ZNF821: variants seen among roughly 807,000 people sequenced by gnomAD.
The protein encoded by ZNF821 is zinc finger protein 821.
ZNF821 carries 16 observed loss-of-function variants against 44.3 expected under a neutral mutation model. The ratio of observed to expected loss-of-function variants is 0.36; its 90% CI spans 0.24 to 0.55. The LOEUF is 0.55. Ranked by LOEUF, ZNF821 falls within the 20% of genes least tolerant of loss-of-function variation. ZNF821 has a pLI of 0.86. For synonymous variants in ZNF821, 204 were observed against 197.6 expected, an observed-to-expected ratio of 1.03 and a Z score of -0.27; for missense variants, 436 against 547.6, an observed-to-expected ratio of 0.80 and a Z score of 2.03.
chr16:71,886,185 C>A (rs2036848205), upstream of ZNF821, among the ~76,000 whole-genome samples: 1 of 152,136 alleles, frequency 6.6e-6, no homozygotes, highest in South Asian at 2.1e-4. Flanking sequence ...CTAAAAATTT[C>A]TCAGAGGTGT....
At position 71,880,108 on chromosome 16, in the gene ZNF821, A is replaced by G. The variant is rs1187256479; in HGVS notation, c.-77-85T>C. 8.6e-6 allele frequency: 5 copies of G among 584,290 alleles called. No homozygotes were observed. The Admixed American group carries it at 1.3e-4, about 16-fold the overall frequency. 36.2% of individuals were successfully genotyped at this position (584,290 alleles called of 1,614,324 possible). A position where few individuals can be genotyped will look rare whatever the true frequency, so the allele number is the denominator to read the frequency against. ...TAAAGATAAAATGTCCTTAAAAAAC[A>G]GCTCCTGAGCATATAAAACTCACCA... On this transcript the variant is annotated intron_variant, in intron 2 of 7. Transcript: ENST00000425432.
At chr16:71,890,618 C>G (rs745971800) in intron 1 of ZNF821, 2 of 151,996 alleles carry the variant, frequency 1.3e-5, no homozygotes, top group Non-Finnish European at 2.9e-5. Flanking sequence ...AACTCCTGAC[C>G]TCAAGTGATC....
At chr16:71,886,365 G>T (rs1017762494), upstream of ZNF821, among the ~76,000 whole-genome samples, 3 of 152,130 alleles carry the variant, frequency 2.0e-5, no homozygotes, top group Admixed American at 2.0e-4. Flanking sequence ...TGAAACCCTT[G>T]TCTCTTTAAA....
Position 71,867,934 on chromosome 16 carries a change from T to C in ZNF821, c.144A>G (p.Leu48=), listed in dbSNP as rs1567415161. The C allele has an allele frequency of 6.5e-7, 1 of 1,536,024 alleles. No homozygotes were observed. Among genetic ancestry groups the C allele is most frequent in the Non-Finnish European group, 8.7e-7 (1 of 1,146,858 alleles). ...LGSQRQAIQQ[L]RDQDSSSSDS... ...CACTGCTACTGGAGTCCTGATCTCT[T>C]AGTTGTTGGATAGCTTGTCGCTGAC... Residue 48 remains leucine, a synonymous_variant, in exon 4 of 8, where the codon CTA becomes CTG. Transcript: ENST00000425432.
At chr16:71,891,979 G>A (rs1275763800) in intron 1 of ZNF821, among the ~76,000 whole-genome samples, 1 of 120,542 alleles carries the variant, frequency 8.3e-6, no homozygotes, top group Non-Finnish European at 1.6e-5. Context: ...CTGGGCGACA[G>A]AGAGAGACTC....
At chr16:71,880,181 T>C (rs2036280397) in intron 2 of ZNF821, 158 bp from the exon 3 acceptor site, 1 of 422,904 alleles carries the variant, frequency 2.4e-6, no homozygotes, top group Non-Finnish European at 4.1e-6. Flanking sequence ...TGAATAAATC[T>C]CTAGCCTAAC....
intron 6 of ZNF821, among the ~76,000 whole-genome samples, chr16:71,863,401 C>CTT (rs372197045): frequency 0.045 from 4,868 of 108,558 alleles, 352 homozygotes; most frequent in African/African-American, 0.14. Context: ...AGCAGAATCT[C>CTT]TTTTTTTTTT....
upstream of ZNF821, among the ~76,000 whole-genome samples, chr16:71,889,659 G>A (rs1597221328): frequency 6.6e-6 from 1 of 152,056 alleles, no homozygotes. Flanking sequence ...AGGAGACAGA[G>A]TGAGACTCTG....
At chr16:71,862,383 G>A (rs1374407718) in intron 6 of ZNF821, among the ~76,000 whole-genome samples, 1 of 152,212 alleles carries the variant, frequency 6.6e-6, no homozygotes, top group Non-Finnish European at 1.5e-5. Flanking sequence ...GCTGAGGCAA[G>A]AGAATCACTT....
chr16:71,869,933 A>G (rs2035001545), intron 3 of ZNF821, among the ~76,000 whole-genome samples: 1 of 152,204 alleles, frequency 6.6e-6, no homozygotes, highest in African/African-American at 2.4e-5. Flanking sequence ...CACTGCGCCC[A>G]GCCTAATGTC....
At chr16:71,869,271 C>T (rs1265642093) in intron 3 of ZNF821, among the ~76,000 whole-genome samples, 4 of 152,110 alleles carry the variant, frequency 2.6e-5, no homozygotes, top group Non-Finnish European at 4.4e-5. Flanking sequence ...AAGGAAAGTA[C>T]GCAGGCATAC....
At chr16:71,863,397 ATC>A (rs1294237336) in intron 6 of ZNF821, among the ~76,000 whole-genome samples, 2 of 132,170 alleles carry the variant, frequency 1.5e-5, no homozygotes, top group East Asian at 4.7e-4. Flanking sequence ...TTGGAGCAGA[ATC>A]TCTTTTTTTT....
rs141370695 is a variant in ZNF821, at chr16:71,878,170, G to A, written c.40+1737C>T. Among the ~76,000 whole-genome samples the A allele has an allele frequency of 5.6e-3, 815 of 144,434 alleles. 6 individuals carry two copies. The highest frequency in any genetic ancestry group is 0.02 in the African/African-American group (775 of 38,960). 94.8% of individuals were successfully genotyped at this position (144,434 alleles called of 152,430 possible). On this transcript the variant is annotated intron_variant, in intron 3 of 7. Transcript: ENST00000425432. Reference sequence around the variant, plus strand: ...TTGCCCAGGCTGGAGTCAGTGACACGATCTTGGCTCACTGCAACCTCCACC... The same window carrying A: ...TTGCCCAGGCTGGAGTCAGTGACACAATCTTGGCTCACTGCAACCTCCACC...
Position 71,873,550 on chromosome 16 carries a change from C to G in ZNF821, c.41-5513G>C, listed in dbSNP as rs1306649686. Among the ~76,000 whole-genome samples, 4 of 152,294 alleles carry G rather than the reference C, an allele frequency of 2.6e-5. No homozygotes were observed. In the East Asian group the frequency reaches 7.7e-4, roughly 29 times the overall value. On this transcript the variant is annotated intron_variant, in intron 3 of 7. Coordinates refer to ENST00000425432, the MANE Select transcript of ZNF821 (RefSeq NM_001201552.2). ...CATGCCAGTGATTTAGACATAAAAA[C>G]AGTCCTGATAAAAACCCAGCAAGTG...
In ZNF821 at chr16:71,864,982, T is replaced by A; in HGVS notation, c.233A>T (p.Asp78Val). The change falls in exon 5 of 8, where the codon GAT (aspartate) becomes GTT (valine). Residue 78 changes from aspartate (D) to valine (V), a missense_variant. This residue lies in a region of ZNF821 where 238 missense variants were observed against 281.4 expected (regional missense o/e 0.85). Transcript: ENST00000425432. ...DEVSSHTSEE[D>V]GGVVKVEKEL... ...TTTCTCCACTTTGACCACCCCTCCA[T>A]CTTCCTCTGATGTGTGGGAAGAGAC... 1 of 1,614,210 alleles carries A rather than the reference T, an allele frequency of 6.2e-7. No homozygotes were observed. Among genetic ancestry groups the A allele is most frequent in the Non-Finnish European group, 8.5e-7 (1 of 1,180,032 alleles).
Position 71,860,602 on chromosome 16 carries a change from C to G in ZNF821, c.655G>C (p.Glu219Gln), listed in dbSNP as rs751179240. 6 of 1,614,036 alleles carry G rather than the reference C, an allele frequency of 3.7e-6. No individual in the cohort carries two copies. Among genetic ancestry groups the G allele is most frequent in the Non-Finnish European group, 1.7e-6 (2 of 1,180,052 alleles). ...GGACTAAAGGCAATATCCTTCCCCT[C>G]AGCACTGGAGGGACCCTCATTGTGG... is the stretch of plus-strand genomic sequence containing the variant. The part of the protein sequence containing the change: ...TVHNEGPSSA[E>Q]GKDIAFSPPV... Residue 219 changes from glutamate to glutamine, a missense_variant, in exon 8 of 8, where the codon GAG becomes CAG. By Grantham distance (29) the Glu-to-Gln change is conservative (BLOSUM62 2). Around this residue, in one of 5 missense-constraint regions of ZNF821, gnomAD observed 238 missense variants for 281.4 expected, o/e 0.85. Transcript: ENST00000425432. The surrounding 1 kb of genome is among the most constrained non-coding windows in gnomAD (Gnocchi z 7.3).
intron 6 of ZNF821, among the ~76,000 whole-genome samples, chr16:71,862,609 AG>A (rs2034035096): frequency 6.6e-6 from 1 of 152,224 alleles, no homozygotes; most frequent in African/African-American, 2.4e-5. Flanking sequence ...TTACGTGTTA[AG>A]GGAACAATAA....
At position 71,879,385 on chromosome 16, in the gene ZNF821, G is replaced by A. The variant is rs2036191461; in HGVS notation, c.40+522C>T. On this transcript the variant is annotated intron_variant, in intron 3 of 7. Transcript: ENST00000425432. ...CTACCCTCTAAGGCCCAGTTCAGGC[G>A]CATGGTCTAGAGGCTTTTCCATTAA... is the stretch of plus-strand genomic sequence containing the variant. Among the ~76,000 whole-genome samples, 3 of 151,472 alleles carry A rather than the reference G, an allele frequency of 2.0e-5. 1 individual carries two copies. Among genetic ancestry groups the A allele is most frequent in the South Asian group, 4.2e-4 (2 of 4,806 alleles).
chr16:71,869,929 G>A (rs187926039), intron 3 of ZNF821, among the ~76,000 whole-genome samples: 57 of 152,246 alleles, frequency 3.7e-4, no homozygotes, highest in African/African-American at 1.2e-3. Flanking sequence ...GAGTCACTGC[G>A]CCCAGCCTAA....
Sources: allele counts gnomAD v4.1 joint callset (sites outside exome capture counted in the v4.1 genomes callset), GRCh38; gene constraint gnomAD v4.1.1; regional missense constraint gnomAD v4.1.1; non-coding constraint Gnocchi (gnomAD v3.1); transcripts MANE v1.5; gene names NCBI Gene and HGNC (gene_info 2026-07-23, HGNC 2026-07-21).